Variants in MYO9A observed in about 807,000 individuals in gnomAD.
MYO9A encodes unconventional myosin-IXa.
In MYO9A, 103 loss-of-function variants were observed where a neutral mutation model predicts 293.3. That is an observed-to-expected ratio of 0.35 (90% CI 0.30 to 0.41). MYO9A has a LOEUF of 0.41. MYO9A is among the 10% of genes least tolerant of loss of function. The pLI, the probability that MYO9A is intolerant of heterozygous loss-of-function variation, is 1.00. For missense variants in MYO9A, 2,685 were observed against 3,033.0 expected (o/e 0.89, Z 2.69); for synonymous variants, 1,001 against 1,035.7 (o/e 0.97, Z 0.64).
At chr15:72,081,673 T>C (rs894194818) in intron 1 of MYO9A, among the ~76,000 whole-genome samples, 2 of 152,234 alleles carry the variant, frequency 1.3e-5, no homozygotes, top group Non-Finnish European at 1.5e-5. Flanking sequence ...TTTACAGTTT[T>C]AGGTTTTAAA....
intron 8 of MYO9A, among the ~76,000 whole-genome samples, chr15:72,001,976 A>G (rs2076878702): frequency 1.3e-5 from 2 of 152,224 alleles, no homozygotes; most frequent in African/African-American, 2.4e-5. Flanking sequence ...TGCAATTATT[A>G]AAAGTAAATA....
At position 71,824,436 on chromosome 15, in the gene MYO9A, ATC is replaced by A. The variant is rs2054387351; in HGVS notation, c.*2142_*2143del. On this transcript the variant is annotated 3_prime_UTR_variant, in exon 42 of 42. Coordinates refer to ENST00000356056, the MANE Select transcript of MYO9A (RefSeq NM_006901.4). ...CACAGGAAATTATTCCATAAGGGCAATCTCTTTTTTTCATACAGGATTTAACC... is the reference window on the plus strand; with the variant it reads ...CACAGGAAATTATTCCATAAGGGCAATCTTTTTTTCATACAGGATTTAACC... 6.6e-6 allele frequency: 1 copy of A among 152,162 alleles called. No individual in the cohort carries two copies. The highest frequency in any genetic ancestry group is 2.4e-5 in the African/African-American group (1 of 41,434). The allele number at this position is 152,162 out of a possible 1,614,324, so 9.4% of individuals were successfully genotyped here.
In MYO9A at chr15:71,822,888, A is replaced by G. The variant is rs1377764591; in HGVS notation, c.*3692T>C. 6.6e-6 allele frequency: 1 copy of G among 152,186 alleles called. No individual in the cohort carries two copies. Among genetic ancestry groups the G allele is most frequent in the African/African-American group, 2.4e-5 (1 of 41,450 alleles). The allele number at this position is 152,186 out of a possible 1,614,324, so 9.4% of individuals were successfully genotyped here. On this transcript the variant is annotated 3_prime_UTR_variant, in exon 42 of 42. Transcript: ENST00000356056. ...TTTGCTGTTACCCTTTCAATACCCA[A>G]TCAAATGTGGGAGTCATTCCAGAGA...
At chr15:71,878,740 ATTTTT>A (rs200866619) in intron 30 of MYO9A, among the ~76,000 whole-genome samples, 2 of 108,646 alleles carry the variant, frequency 1.8e-5, no homozygotes, top group Admixed American at 1.1e-4. Flanking sequence ...GAGATCTGGA[ATTTTT>A]TTTTTTTTTT....
At position 71,994,564 on chromosome 15, in the gene MYO9A, T is replaced by A; in HGVS notation, c.1492A>T (p.Met498Leu). Reference sequence around the variant, plus strand: ...AGGGCACTATACAGAGACTTAGCCATGGAGTTCCTCACTGTCACAGCCTGA... The same window carrying A: ...AGGGCACTATACAGAGACTTAGCCAAGGAGTTCCTCACTGTCACAGCCTGA... ...LAEAVTVRNS[M>L]AKSLYSALFD... Residue 498 changes from methionine (M) to leucine (L), a missense_variant, in exon 10 of 42, where the codon ATG becomes TTG. Physicochemically the swap from Met to Leu is conservative, Grantham distance 15. Transcript: ENST00000356056. The A allele has an allele frequency of 1.2e-6, 2 of 1,604,034 alleles. No homozygotes were observed. The highest frequency in any genetic ancestry group is 1.7e-6 in the Non-Finnish European group (2 of 1,177,302).
chr15:72,070,150 A>G (rs1212090773), intron 1 of MYO9A, among the ~76,000 whole-genome samples: 1 of 145,872 alleles, frequency 6.9e-6, no homozygotes, highest in African/African-American at 2.5e-5. Flanking sequence ...AAAAAAAAAG[A>G]ATGAACGTAG....
In MYO9A at chr15:71,838,668, A is replaced by G. The variant is rs141268146; in HGVS notation, c.6838-8357T>C. ...CAATTTAATATTATATACAATACCCAGATTTCCAATCCTTTATAGCACATT... is the reference window on the plus strand; with the variant it reads ...CAATTTAATATTATATACAATACCCGGATTTCCAATCCTTTATAGCACATT... On this transcript the variant is annotated intron_variant, in intron 39 of 41. Coordinates refer to ENST00000356056, the MANE Select transcript of MYO9A (RefSeq NM_006901.4). Among the ~76,000 whole-genome samples the G allele has an allele frequency of 1.7e-4, 26 of 152,330 alleles. 1 individual carries two copies. The Middle Eastern group carries it at 0.01, about 60-fold the overall frequency.
chr15:71,915,307 T>C (rs535885261), intron 19 of MYO9A, among the ~76,000 whole-genome samples: 4 of 152,204 alleles, frequency 2.6e-5, no homozygotes, highest in Middle Eastern at 3.4e-3. Context: ...TTAACCCATA[T>C]GATTATTAGG....
intron 15 of MYO9A, among the ~76,000 whole-genome samples, chr15:71,944,327 A>G (rs1027983462): frequency 6.6e-6 from 1 of 152,162 alleles, no homozygotes; most frequent in African/African-American, 2.4e-5. Context: ...GCAGTTAAGA[A>G]AAGTAGTTTT....
At chr15:71,976,748 G>A (rs1349539397) in intron 12 of MYO9A, among the ~76,000 whole-genome samples, 1 of 152,190 alleles carries the variant, frequency 6.6e-6, no homozygotes, top group Non-Finnish European at 1.5e-5. Flanking sequence ...CTTTTTACTT[G>A]TGTTAACAGC....
intron 6 of MYO9A, among the ~76,000 whole-genome samples, chr15:72,015,262 G>A (rs1453349250): frequency 2.0e-5 from 3 of 152,256 alleles, no homozygotes; most frequent in South Asian, 2.1e-4. Flanking sequence ...GTTTAAGGGC[G>A]TGACCACAAA....
chr15:71,965,737 C>T (rs1011192857), intron 13 of MYO9A, among the ~76,000 whole-genome samples: 2 of 152,178 alleles, frequency 1.3e-5, no homozygotes, highest in Non-Finnish European at 2.9e-5. Flanking sequence ...AGCGAGACTC[C>T]GTCTCAAAAC....
chr15:71,906,651 T>C (rs1018373360), intron 19 of MYO9A, among the ~76,000 whole-genome samples: 3 of 151,954 alleles, frequency 2.0e-5, no homozygotes, highest in African/African-American at 7.2e-5. Flanking sequence ...CATGGTTTAT[T>C]TTTTTTCATT....
chr15:71,917,892 T>C (rs181231517), intron 18 of MYO9A, among the ~76,000 whole-genome samples: 54 of 152,070 alleles, frequency 3.6e-4, no homozygotes, highest in African/African-American at 1.2e-3. Flanking sequence ...ACCATGCAAA[T>C]TGAAAGAAGT....
rs748354374 is a variant in MYO9A, at chr15:71,830,212, T to C, written c.6937A>G (p.Ser2313Gly). 2.6e-5 allele frequency: 42 copies of C among 1,613,978 alleles called. No individual in the cohort carries two copies. In the East Asian group the frequency reaches 5.1e-4, roughly 20 times the overall value. The change falls in exon 40 of 42, where the codon AGT becomes GGT. Residue 2313 changes from serine (S) to glycine (G), a missense_variant. Ser to Gly is a moderately conservative substitution (Grantham distance 56). Transcript: ENST00000356056. ...VSDVSEETLT[S>G]EAAMETDITE... Reference sequence around the variant, plus strand: ...ATGTCAGTCTCCATGGCTGCCTCACTAGTCAAGGTCTCCTCTGAGACATCA... The same window carrying C: ...ATGTCAGTCTCCATGGCTGCCTCACCAGTCAAGGTCTCCTCTGAGACATCA...
intron 19 of MYO9A, among the ~76,000 whole-genome samples, chr15:71,906,281 A>G (rs1054400263): frequency 4.6e-5 from 7 of 152,196 alleles, no homozygotes; most frequent in African/African-American, 1.4e-4. Context: ...ATAAATGCAT[A>G]TTCTGCAATT....
intron 1 of MYO9A, among the ~76,000 whole-genome samples, chr15:72,070,741 A>G (rs1338427911): frequency 6.6e-6 from 1 of 152,190 alleles, no homozygotes; most frequent in Non-Finnish European, 1.5e-5. Context: ...GAACCCAGAA[A>G]CAAAGCCACA....
intron 15 of MYO9A, among the ~76,000 whole-genome samples, chr15:71,946,546 T>C (rs2058922811): frequency 6.6e-6 from 1 of 152,230 alleles, no homozygotes; most frequent in Non-Finnish European, 1.5e-5. Context: ...TTCTAGGTAA[T>C]AGCTTTGTGT....
chr15:72,100,023 C>T (rs1002535899), intron 1 of MYO9A, among the ~76,000 whole-genome samples: 9 of 149,876 alleles, frequency 6.0e-5, no homozygotes, highest in Admixed American at 2.7e-4. Context: ...GTGAGGCAGG[C>T]GGATCACCTG....
Sources: gnomAD v4.1 joint callset for allele counts (sites outside exome capture counted in the v4.1 genomes callset) on GRCh38, gnomAD v4.1.1 for gene constraint, MANE v1.5 for transcripts, NCBI Gene and HGNC (gene_info 2026-07-23, HGNC 2026-07-21) for gene names.